Variants in MELK observed in about 807,000 individuals in gnomAD.
MELK encodes the protein pEg3 kinase.
In MELK, 81 loss-of-function variants were observed where a neutral mutation model predicts 85.0. The ratio of observed to expected loss-of-function variants is 0.95; its 90% CI spans 0.80 to 1.15. The LOEUF is 1.15. Ranked by LOEUF, MELK falls within the 50% of genes most tolerant of loss-of-function variation. The pLI is 0.00. For synonymous variants in MELK, 252 were observed against 265.0 expected (o/e 0.95, Z 0.48); for missense variants, 754 against 777.5 (o/e 0.97, Z 0.36).
At chr9:36,614,431 T>TG (rs1554722252) in intron 8 of MELK, among the ~76,000 whole-genome samples, 1 of 109,150 alleles carries the variant, frequency 9.2e-6, no homozygotes, top group Non-Finnish European at 1.8e-5. Flanking sequence ...TTGGGTTTTT[T>TG]TTTTTTTTTT....
intron 13 of MELK, among the ~76,000 whole-genome samples, chr9:36,657,747 G>A (rs568606745): frequency 2.0e-4 from 31 of 152,172 alleles, no homozygotes; most frequent in African/African-American, 7.0e-4. Flanking sequence ...GCCTCTCCTG[G>A]CTAATTTTTG....
intron 7 of MELK, among the ~76,000 whole-genome samples, chr9:36,606,449 A>G (rs1825514607): frequency 7.8e-6 from 1 of 128,140 alleles, no homozygotes; most frequent in South Asian, 2.3e-4. Flanking sequence ...TATATAATAT[A>G]TACATATGTA....
intron 6 of MELK, among the ~76,000 whole-genome samples, chr9:36,597,571 AT>A (rs1343967688): frequency 6.6e-6 from 1 of 152,184 alleles, no homozygotes; most frequent in African/African-American, 2.4e-5. Flanking sequence ...ACTTGAGGCT[AT>A]TACAGCAAGA....
At position 36,606,905 on chromosome 9, in the gene MELK, C is replaced by T. The variant is rs1465283212; in HGVS notation, c.568-670C>T. On this transcript the variant is annotated intron_variant, in intron 7 of 17. Coordinates refer to ENST00000298048, the MANE Select transcript of MELK (RefSeq NM_014791.4). The stretch of plus-strand genomic sequence containing the variant: ...ATTCAAGCGATTCTCCTGCCTCAGC[C>T]TTCCGAGTAGCTGGGACTGTGGGCA... 3 of 152,152 alleles carry T rather than the reference C, an allele frequency of 2.0e-5. No individual in the cohort carries two copies. In the East Asian group the frequency reaches 5.8e-4, roughly 29 times the overall value. The allele number at this position is 152,152 out of a possible 1,614,324, so 9.4% of individuals were successfully genotyped here.
chr9:36,608,007 G>A (rs1197414203), intron 8 of MELK, among the ~76,000 whole-genome samples: 5 of 152,000 alleles, frequency 3.3e-5, no homozygotes, highest in African/African-American at 1.2e-4. Flanking sequence ...CAGGCCGGGC[G>A]CGGTGGCTCA....
chr9:36,632,514 A>G (rs762288971), intron 9 of MELK, among the ~76,000 whole-genome samples: 1 of 152,158 alleles, frequency 6.6e-6, no homozygotes, highest in African/African-American at 2.4e-5. Context: ...CTTTTATTCA[A>G]AATTTACCTC....
rs1307055019 is a variant in MELK at position 36,636,806 on chromosome 9, G to GTCTGTCTGTCTT, written c.834+3609_834+3610insGTCTGTCTTTCT. Among the ~76,000 whole-genome samples the GTCTGTCTGTCTT allele has an allele frequency of 9.7e-3, 1,085 of 111,638 alleles. 16 individuals carry two copies. Among genetic ancestry groups the GTCTGTCTGTCTT allele is most frequent in the Middle Eastern group, 0.029 (7 of 244 alleles). The allele number at this position is 111,638 out of a possible 152,430, so 73.2% of individuals were successfully genotyped here. On this transcript the variant is annotated intron_variant, in intron 10 of 17. Transcript: ENST00000298048. ...TTTCTGTCTGTCTTTCTTTCTTTCTGTCTTTCTTTCTTTCTGTCTTTCTTG... is the reference window on the plus strand; with the variant it reads ...TTTCTGTCTGTCTTTCTTTCTTTCTGTCTGTCTGTCTTTCTTTCTTTCTTTCTGTCTTTCTTG...
At chr9:36,675,438 A>T (rs1285229371) in intron 17 of MELK, among the ~76,000 whole-genome samples, 1 of 152,248 alleles carries the variant, frequency 6.6e-6, no homozygotes, top group Non-Finnish European at 1.5e-5. Context: ...TTAGAAGCAC[A>T]GATATTGTCC....
chr9:36,629,775 A>G (rs747997894), intron 8 of MELK, among the ~76,000 whole-genome samples: 1 of 150,330 alleles, frequency 6.7e-6, no homozygotes, highest in African/African-American at 2.4e-5. Context: ...CCCTTCTCTG[A>G]TATGTGGATA....
intron 4 of MELK, among the ~76,000 whole-genome samples, chr9:36,593,563 C>T (rs191282212): frequency 2.6e-5 from 4 of 152,138 alleles, no homozygotes; most frequent in South Asian, 2.1e-4. Flanking sequence ...AATTACCCAG[C>T]GTAAGGTATT....
Position 36,607,670 on chromosome 9 carries a change from T to C in MELK, c.663T>C (p.Ile221=), listed in dbSNP as rs755799099. The C allele has an allele frequency of 1.3e-6, 2 of 1,580,118 alleles. No homozygotes were observed. Among genetic ancestry groups the C allele is most frequent in the South Asian group, 2.2e-5 (2 of 90,324 alleles). ...DDNVMALYKK[I]MRGKYDVPKW... ...ATGTAATGGCTTTATACAAGAAGATTATGGTGAGTATTACAAGGCATAGAA... is the reference window on the plus strand; with the variant it reads ...ATGTAATGGCTTTATACAAGAAGATCATGGTGAGTATTACAAGGCATAGAA... Residue 221 remains isoleucine, a synonymous_variant, in exon 8 of 18, where the codon ATT becomes ATC. Transcript: ENST00000298048.
chr9:36,593,502 T>G (rs1255148559), intron 4 of MELK, among the ~76,000 whole-genome samples: 1 of 152,166 alleles, frequency 6.6e-6, no homozygotes, highest in Non-Finnish European at 1.5e-5. Flanking sequence ...CACCTTGATG[T>G]TAGACTTCCC....
chr9:36,633,947 A>C lies in MELK; in HGVS notation c.834+747A>C, dbSNP rs1186164577. Among the ~76,000 whole-genome samples the C allele has an allele frequency of 5.9e-5, 9 of 152,236 alleles. No homozygotes were observed. The East Asian group carries it at 1.7e-3, about 29-fold the overall frequency. On this transcript the variant is annotated intron_variant, in intron 10 of 17. Transcript: ENST00000298048. ...TCTGATAGCCCATTAAAACTTGACAAATGGTAGTTTCTTAAAGGGTAATTG... is the reference window on the plus strand; with the variant it reads ...TCTGATAGCCCATTAAAACTTGACACATGGTAGTTTCTTAAAGGGTAATTG...
intron 11 of MELK, among the ~76,000 whole-genome samples, chr9:36,648,635 G>A (rs940490190): frequency 7.9e-5 from 12 of 152,182 alleles, no homozygotes; most frequent in Non-Finnish European, 1.6e-4. Flanking sequence ...CTTTGAGAAC[G>A]CTGAAACCAG....
chr9:36,615,355 C>T (rs1295254194), intron 8 of MELK, among the ~76,000 whole-genome samples: 1 of 131,850 alleles, frequency 7.6e-6, no homozygotes, highest in African/African-American at 3.1e-5. Context: ...CTGACCCCCC[C>T]ACCTCCCTCC....
At chr9:36,614,875 C>T (rs957884567) in intron 8 of MELK, among the ~76,000 whole-genome samples, 2 of 147,934 alleles carry the variant, frequency 1.4e-5, no homozygotes, top group Non-Finnish European at 1.5e-5. Context: ...ATTTCTCAAT[C>T]TTTTCCCCAC....
rs1412624185 is a variant in MELK, at chr9:36,597,241, A to T, written c.425A>T (p.Glu142Val). The change falls in exon 6 of 18, where the codon GAA becomes GTA. Residue 142 changes from glutamate to valine, a missense_variant. Coordinates refer to ENST00000298048, the MANE Select transcript of MELK (RefSeq NM_014791.4). ...DLKPENLLFD[E>V]YHKLKLIDFG... is the part of the protein sequence containing the mutation. ...TCCCAGGAAAATTTGCTGTTTGATG[A>T]ATATCATAAATTAAAGCTGATTGAC... is the stretch of plus-strand genomic sequence containing the variant. 1 of 1,613,820 alleles carries T rather than the reference A, an allele frequency of 6.2e-7. No homozygotes were observed. Among genetic ancestry groups the T allele is most frequent in the Non-Finnish European group, 8.5e-7 (1 of 1,179,730 alleles).
At chr9:36,618,372 G>A (rs573087306) in intron 8 of MELK, among the ~76,000 whole-genome samples, 70 of 145,864 alleles carry the variant, frequency 4.8e-4, no homozygotes, top group African/African-American at 1.8e-3. Flanking sequence ...TTGCGCCACT[G>A]CACTCCAGCC....
intron 14 of MELK, among the ~76,000 whole-genome samples, chr9:36,667,756 C>T (rs1239092547): frequency 6.6e-6 from 1 of 151,624 alleles, no homozygotes; most frequent in African/African-American, 2.4e-5. Context: ...CTCTTCTCTC[C>T]TCTTCTCTTC....
Sources: allele counts gnomAD v4.1 joint callset (sites outside exome capture counted in the v4.1 genomes callset), GRCh38; gene constraint gnomAD v4.1.1; transcripts MANE v1.5; gene names NCBI Gene and HGNC (gene_info 2026-07-23, HGNC 2026-07-21).